COL3A1: variants seen among roughly 807,000 people sequenced by gnomAD.
COL3A1 encodes the protein collagen alpha-1(III) chain.
In COL3A1, 46 loss-of-function variants were observed where a neutral mutation model predicts 200.9. The observed-to-expected ratio is 0.23, with a 90% CI of 0.18 to 0.29. COL3A1 has a LOEUF of 0.29. Among genes scored for constraint, COL3A1 ranks in the 10% least tolerant of loss-of-function variants. The probability of loss-of-function intolerance (pLI) is 1.00; values close to 1 mark genes in which losing one functional copy is unlikely to be tolerated. For missense variants in COL3A1, 1,367 were observed against 1,917.6 expected (o/e 0.71, Z 5.36); for synonymous variants, 650 against 628.0 (o/e 1.03, Z -0.52).
chr2:188,998,725 T>C lies in COL3A1; in HGVS notation c.2022+7T>C. The C allele has an allele frequency of 6.2e-7, 1 of 1,613,272 alleles. No homozygotes were observed. The highest frequency in any genetic ancestry group is 8.5e-7 in the Non-Finnish European group (1 of 1,179,362). On this transcript the variant is annotated splice_region_variant and intron_variant, in intron 29 of 50. Transcript: ENST00000304636. The stretch of plus-strand genomic sequence containing the variant: ...TGGAGCTCCAGGAGGCAAGGTAGTA[T>C]TTCAATTTATTCTCTACCTTCTTCA...
chr2:188,979,540 C>G (rs1232216715), intron 1 of COL3A1, among the ~76,000 whole-genome samples: 1 of 151,718 alleles, frequency 6.6e-6, no homozygotes, highest in African/African-American at 2.4e-5. Context: ...TGTTGGTGGT[C>G]TGGATGTCAT....
intron 14 of COL3A1, 29 bp downstream of exon 14, chr2:188,992,257 G>A (rs765048281): frequency 1.2e-6 from 2 of 1,606,342 alleles, no homozygotes; most frequent in East Asian, 2.2e-5. Flanking sequence ...CTTATGTGTT[G>A]TAGGGTAATG....
In COL3A1 at chr2:189,011,729, T is replaced by C. The variant is rs1688732011; in HGVS notation, c.4356T>C (p.Pro1452=). The change falls in exon 51 of 51, where the codon CCT becomes CCC. Residue 1452 remains proline, a synonymous_variant. Transcript: ENST00000304636. The part of the protein sequence containing the change: ...VDIAPYDIGG[P]DQEFGVDVGP... Reference sequence around the variant, plus strand: ...TTGCACCCTATGACATTGGTGGTCCTGATCAAGAATTTGGTGTGGACGTTG... The same window carrying C: ...TTGCACCCTATGACATTGGTGGTCCCGATCAAGAATTTGGTGTGGACGTTG... The C allele has an allele frequency of 1.2e-6, 2 of 1,614,050 alleles. No individual in the cohort carries two copies. Among genetic ancestry groups the C allele is most frequent in the Non-Finnish European group, 1.7e-6 (2 of 1,179,902 alleles).
intron 44 of COL3A1, among the ~76,000 whole-genome samples, 164 bp downstream of exon 44, chr2:189,007,154 AGATAGAT>A (rs1182383260): frequency 5.2e-5 from 5 of 96,424 alleles, no homozygotes; most frequent in African/African-American, 1.4e-4. Context: ...TTCTATCTAT[AGATAGAT>A]GATAGATAGA....
chr2:188,995,836 G>A (rs1394940039), intron 22 of COL3A1, 46 bp downstream of exon 22: 11 of 1,438,032 alleles, frequency 7.6e-6, no homozygotes, highest in Non-Finnish European at 1.1e-5. Flanking sequence ...TTAGACAGAA[G>A]AAAGGCAAGA....
At chr2:188,995,988 T>C in intron 22 of COL3A1, 137 bp from the exon 23 acceptor site, 1 of 966,620 alleles carries the variant, frequency 1.0e-6, no homozygotes, top group South Asian at 1.5e-5. Context: ...CCTTAGATAC[T>C]TTATAGACAG....
Position 188,991,515 on chromosome 2 carries a change from G to A in COL3A1, c.881G>A (p.Gly294Glu). The A allele has an allele frequency of 6.2e-7, 1 of 1,611,204 alleles. No homozygotes were observed. The highest frequency in any genetic ancestry group is 8.5e-7 in the Non-Finnish European group (1 of 1,178,000). The change falls in exon 12 of 51, where the codon GGA (glycine) becomes GAA (glutamate). Residue 294 changes from glycine to glutamate, a missense_variant. Coordinates refer to ENST00000304636, the MANE Select transcript of COL3A1 (RefSeq NM_000090.4). ...KGENGLPGEN[G>E]APGPMGPRGA... ...GAAAATGGTCTTCCAGGCGAAAATG[G>A]AGCTCCTGGACCCATGGTAATTATG... is the stretch of plus-strand genomic sequence containing the variant.
At chr2:189,008,339 T>G (rs1373124800) in intron 47 of COL3A1, 197 bp downstream of exon 47, 3 of 610,488 alleles carry the variant, frequency 4.9e-6, no homozygotes, top group Non-Finnish European at 8.6e-6. Context: ...AAAATACCTT[T>G]TTAAAAATTT....
intron 48 of COL3A1, 46 bp from the exon 49 acceptor site, chr2:189,010,132 T>A (rs761741543): frequency 3.0e-5 from 47 of 1,581,538 alleles, no homozygotes; most frequent in Non-Finnish European, 4.0e-5. Flanking sequence ...ATCACTTTAT[T>A]ACTGGATTTT....
At position 188,989,392 on chromosome 2, in the gene COL3A1, T is replaced by C; in HGVS notation, c.637-4T>C. 2 of 1,595,008 alleles carry C rather than the reference T, an allele frequency of 1.3e-6. No homozygotes were observed. The highest frequency in any genetic ancestry group is 1.1e-5 in the South Asian group (1 of 88,950). On this transcript the variant is annotated splice_polypyrimidine_tract_variant and splice_region_variant and intron_variant, in intron 7 of 50. Transcript: ENST00000304636. ...CTATTCATTTTTTATTTCCTTATTT[T>C]CAGGGCCCTCCAGGACCTCCTGGTG...
intron 4 of COL3A1, among the ~76,000 whole-genome samples, 176 bp from the exon 5 acceptor site, chr2:188,986,883 G>A (rs1011561122): frequency 2.0e-5 from 3 of 151,980 alleles, no homozygotes; most frequent in African/African-American, 4.8e-5. Flanking sequence ...GATATCTAAC[G>A]TCTAAATCTA....
At chr2:188,996,268 G>C in intron 23 of COL3A1, 90 bp downstream of exon 23, 1 of 892,682 alleles carries the variant, frequency 1.1e-6, no homozygotes, top group Non-Finnish European at 1.7e-6. Flanking sequence ...GTGTGTGTGT[G>C]TGTATATATA....
intron 21 of COL3A1, 72 bp downstream of exon 21, chr2:188,995,171 A>C: frequency 2.6e-5 from 36 of 1,399,996 alleles, no homozygotes; most frequent in Non-Finnish European, 3.0e-5. Flanking sequence ...ACAATTTCTC[A>C]TTCATGAAAA....
At chr2:188,997,310 A>G (rs919970568) in intron 25 of COL3A1, 26 bp from the exon 26 acceptor site, 13 of 1,613,498 alleles carry the variant, frequency 8.1e-6, no homozygotes, top group Non-Finnish European at 1.1e-5. Flanking sequence ...TATTATTTCT[A>G]CTTCCCTAAC....
At chr2:188,987,175 A>G in intron 5 of COL3A1, 36 bp downstream of exon 5, 1 of 1,540,346 alleles carries the variant, frequency 6.5e-7, no homozygotes, top group Non-Finnish European at 9.0e-7. Flanking sequence ...TTGGAGCTTT[A>G]TTATCTTTCT....
chr2:189,008,325 G>A, intron 47 of COL3A1, 183 bp downstream of exon 47: 2 of 638,508 alleles, frequency 3.1e-6, no homozygotes, highest in Non-Finnish European at 5.5e-6. Flanking sequence ...ACTATAACAG[G>A]AGAAAAATAC....
rs1688696299 is a variant in COL3A1, at chr2:189,010,424, T to C, written c.4011+59T>C. 1.9e-6 allele frequency: 3 copies of C among 1,591,306 alleles called. No individual in the cohort carries two copies. The Admixed American group carries it at 5.0e-5, about 27-fold the overall frequency. On this transcript the variant is annotated intron_variant, in intron 49 of 50. Coordinates refer to ENST00000304636, the MANE Select transcript of COL3A1 (RefSeq NM_000090.4). ...ACCTCTATATCCTTTGTATTCTTCC[T>C]ATATGTTCATCACAAAGCAAAGTTA...
Position 189,007,531 on chromosome 2 carries a change from A to T in COL3A1, c.3287A>T (p.Glu1096Val). ...CAAGGCCCACGTGGTGACAAAGGTG[A>T]AACAGGTGAACGTGGAGCTGCTGGC... The part of the protein sequence containing the change: ...GPQGPRGDKG[E>V]TGERGAAGIK... Residue 1096 changes from glutamate (E) to valine (V), a missense_variant, in exon 45 of 51, where the codon GAA (glutamate) becomes GTA (valine). By Grantham distance (121) the Glu-to-Val change is moderately radical. Transcript: ENST00000304636. 2 of 1,613,798 alleles carry T rather than the reference A, an allele frequency of 1.2e-6. No individual in the cohort carries two copies. The highest frequency in any genetic ancestry group is 1.7e-6 in the Non-Finnish European group (2 of 1,179,856).
Position 189,001,575 on chromosome 2 carries a change from C to G in COL3A1, c.2377C>G (p.Pro793Ala). 1 of 1,613,984 alleles carries G rather than the reference C, an allele frequency of 6.2e-7. No homozygotes were observed. The highest frequency in any genetic ancestry group is 8.5e-7 in the Non-Finnish European group (1 of 1,179,974). Residue 793 changes from proline (P) to alanine (A), a missense_variant, in exon 34 of 51, where the codon CCT becomes GCT. Coordinates refer to ENST00000304636, the MANE Select transcript of COL3A1 (RefSeq NM_000090.4). ...GAPGLPGIAG[P>A]RGSPGERGET... Reference sequence around the variant, plus strand: ...CCCCGGACTTCCAGGTATAGCTGGACCTCGTGGTAGCCCTGTAAGTGTTAA... The same window carrying G: ...CCCCGGACTTCCAGGTATAGCTGGAGCTCGTGGTAGCCCTGTAAGTGTTAA...
Sources: allele counts gnomAD v4.1 joint callset (sites outside exome capture counted in the v4.1 genomes callset), GRCh38; gene constraint gnomAD v4.1.1; transcripts MANE v1.5; gene names NCBI Gene and HGNC (gene_info 2026-07-23, HGNC 2026-07-21).